CDH12: variants seen among roughly 807,000 people sequenced by gnomAD.
The protein encoded by CDH12 is cadherin 12.
Under a neutral mutation model 74.1 loss-of-function variants are expected in CDH12, and 41 were observed. That is an observed-to-expected ratio of 0.55 (90% CI 0.43 to 0.72). The LOEUF (loss-of-function observed/expected upper bound fraction) is 0.72. Among genes scored for constraint, CDH12 ranks in the 30% least tolerant of loss-of-function variants. CDH12 has a pLI of 0.00. For missense variants in CDH12, 945 were observed against 977.2 expected (o/e 0.97, Z 0.44); for synonymous variants, 399 against 355.0 (o/e 1.12, Z -1.39).
chr5:21,934,286 A>T (rs1486017832), intron 6 of CDH12, among the ~76,000 whole-genome samples: 1 of 152,178 alleles, frequency 6.6e-6, no homozygotes, highest in Non-Finnish European at 1.5e-5. Context: ...CCCCTTTGGT[A>T]ATGTATCCTG....
rs905868192 is a variant in CDH12 at position 22,747,100 on chromosome 5, T to C, written c.-523+105958A>G. Among the ~76,000 whole-genome samples the C allele has an allele frequency of 4.7e-4, 72 of 152,330 alleles. 1 individual carries two copies. The highest frequency in any genetic ancestry group is 3.9e-4 in the East Asian group (2 of 5,180). On this transcript the variant is annotated intron_variant, in intron 1 of 14. Transcript: ENST00000382254. Reference sequence around the variant, plus strand: ...GTGCTTCTAGATCTTGAAAGTGATGTGTACTTTAATAAATTGAATATGGGT... The same window carrying C: ...GTGCTTCTAGATCTTGAAAGTGATGCGTACTTTAATAAATTGAATATGGGT...
chr5:22,312,241 T>A (rs1448382433), intron 3 of CDH12, among the ~76,000 whole-genome samples: 3 of 151,966 alleles, frequency 2.0e-5, no homozygotes, highest in Admixed American at 2.0e-4. Flanking sequence ...TATAAACATA[T>A]TGAGTACATA....
chr5:22,180,073 C>A (rs191305065), intron 4 of CDH12, among the ~76,000 whole-genome samples: 5 of 152,258 alleles, frequency 3.3e-5, no homozygotes, highest in African/African-American at 1.2e-4. Flanking sequence ...ATTAATTTCC[C>A]TCATTTATGA....
intron 1 of CDH12, among the ~76,000 whole-genome samples, chr5:22,850,039 T>C (rs1250256869): frequency 6.6e-6 from 1 of 152,050 alleles, no homozygotes; most frequent in Non-Finnish European, 1.5e-5. Flanking sequence ...AATAATTGAG[T>C]AATTGAATAA....
intron 1 of CDH12, among the ~76,000 whole-genome samples, chr5:22,615,418 T>C (rs1045883035): frequency 6.6e-6 from 1 of 152,114 alleles, no homozygotes; most frequent in Non-Finnish European, 1.5e-5. Context: ...AAATAATTAA[T>C]AGAATATAAA....
At chr5:22,323,124 T>C (rs1738951778) in intron 3 of CDH12, among the ~76,000 whole-genome samples, 1 of 152,182 alleles carries the variant, frequency 6.6e-6, no homozygotes, top group South Asian at 2.1e-4. Flanking sequence ...TTATCATTCA[T>C]GAGATGTATA....
At chr5:22,276,127 T>A (rs1331950984) in intron 3 of CDH12, among the ~76,000 whole-genome samples, 1 of 152,194 alleles carries the variant, frequency 6.6e-6, no homozygotes, top group African/African-American at 2.4e-5. Flanking sequence ...CATGTAGACA[T>A]GGATTAACCA....
intron 9 of CDH12, among the ~76,000 whole-genome samples, chr5:21,809,167 G>A (rs115590632): frequency 0.016 from 2,442 of 151,980 alleles, 32 homozygotes; most frequent in African/African-American, 0.032. Context: ...CAAAATTTTC[G>A]TAGTTTTAAC....
chr5:22,522,515 ATTG>A (rs1252505691), intron 1 of CDH12, among the ~76,000 whole-genome samples: 1 of 152,002 alleles, frequency 6.6e-6, no homozygotes, highest in Non-Finnish European at 1.5e-5. Flanking sequence ...TCTGTATTTC[ATTG>A]TTGTTGTCCT....
intron 3 of CDH12, among the ~76,000 whole-genome samples, chr5:22,327,697 G>A (rs570738357): frequency 4.6e-5 from 7 of 152,234 alleles, no homozygotes; most frequent in African/African-American, 1.4e-4. Context: ...CTAAAAACCT[G>A]TAACTCTCTT....
intron 1 of CDH12, among the ~76,000 whole-genome samples, chr5:22,815,461 G>T (rs1749340794): frequency 6.6e-6 from 1 of 152,114 alleles, no homozygotes; most frequent in Admixed American, 6.5e-5. Context: ...AGTGGAAATG[G>T]AGAGATCTAT....
intron 4 of CDH12, among the ~76,000 whole-genome samples, chr5:22,210,933 C>A (rs1303208544): frequency 6.6e-6 from 1 of 151,990 alleles, no homozygotes; most frequent in Non-Finnish European, 1.5e-5. Context: ...ATCATCTCCC[C>A]AGGGAAAAGA....
intron 5 of CDH12, among the ~76,000 whole-genome samples, chr5:22,022,719 T>A (rs1214065790): frequency 6.6e-6 from 1 of 152,158 alleles, no homozygotes; most frequent in Non-Finnish European, 1.5e-5. Context: ...TTTAATAATT[T>A]TCTTGCTCAC....
chr5:22,033,872 G>A (rs971847250), intron 5 of CDH12, among the ~76,000 whole-genome samples: 3 of 152,080 alleles, frequency 2.0e-5, no homozygotes, highest in Admixed American at 6.6e-5. Flanking sequence ...TTAGCACTTA[G>A]CATTTCTGTC....
At chr5:22,801,430 A>G (rs948995883) in intron 1 of CDH12, among the ~76,000 whole-genome samples, 1 of 151,924 alleles carries the variant, frequency 6.6e-6, no homozygotes, top group African/African-American at 2.4e-5. Flanking sequence ...AACTTTTAAA[A>G]AGAGGTTTTT....
intron 5 of CDH12, among the ~76,000 whole-genome samples, chr5:22,026,459 C>A (rs1463661595): frequency 1.3e-5 from 2 of 152,158 alleles, no homozygotes; most frequent in Non-Finnish European, 2.9e-5. Flanking sequence ...AGTAAACCTC[C>A]CATTCCCATC....
intron 1 of CDH12, among the ~76,000 whole-genome samples, chr5:22,817,583 A>G (rs1749455588): frequency 6.6e-6 from 1 of 152,112 alleles, no homozygotes; most frequent in Non-Finnish European, 1.5e-5. Context: ...ATACTGAGTT[A>G]TATTGATTTA....
At chr5:22,278,944 A>G (rs1031105413) in intron 3 of CDH12, among the ~76,000 whole-genome samples, 2 of 152,192 alleles carry the variant, frequency 1.3e-5, no homozygotes, top group African/African-American at 4.8e-5. Context: ...AGGATATTAA[A>G]CAGTAAAAGT....
At chr5:22,571,724 C>G (rs1739550127) in intron 1 of CDH12, among the ~76,000 whole-genome samples, 1 of 152,022 alleles carries the variant, frequency 6.6e-6, no homozygotes. Context: ...GACCTAATGT[C>G]AATGTTGTTA....
Sources: gnomAD v4.1 joint callset for allele counts (sites outside exome capture counted in the v4.1 genomes callset) on GRCh38, gnomAD v4.1.1 for gene constraint, MANE v1.5 for transcripts, NCBI Gene and HGNC (gene_info 2026-07-23, HGNC 2026-07-21) for gene names.